CDKN2A: variants seen among roughly 807,000 people sequenced by gnomAD.
CDKN2A encodes cyclin dependent kinase inhibitor 2A.
A neutral mutation model predicts 11.1 loss-of-function variants in CDKN2A; 3 were observed. The ratio of observed to expected loss-of-function variants is 0.27; its 90% CI spans 0.12 to 0.70. The LOEUF is 0.70. Among genes scored for constraint, CDKN2A ranks in the 30% least tolerant of loss-of-function variants. CDKN2A has a pLI of 0.77. For synonymous variants in CDKN2A, 122 were observed against 108.1 expected, an observed-to-expected ratio of 1.13 and a Z score of -0.80; for missense variants, 265 against 233.6, an observed-to-expected ratio of 1.13 and a Z score of -0.88.
intron 2 of CDKN2A, chr9:21,992,051 T>G: frequency 3.1e-6 from 3 of 976,324 alleles, no homozygotes; most frequent in Non-Finnish European, 3.7e-6. Flanking sequence ...TTTCTGTGGT[T>G]AAGAAACTGG....
Position 21,968,729 on chromosome 9 carries a change from G to C in CDKN2A, c.458-487C>G, listed in dbSNP as rs1328833978. 1 of 1,536,132 alleles carries C rather than the reference G, an allele frequency of 6.5e-7. No homozygotes were observed. Among genetic ancestry groups the C allele is most frequent in the African/African-American group, 1.4e-5 (1 of 73,156 alleles). ...CGGCGGAATCCCGTAGCTTCCCTAC[G>C]CATGCCTGCTTCTACAAACCCACAA... On this transcript the variant is annotated intron_variant, in intron 2 of 2. Coordinates refer to ENST00000304494, the MANE Select transcript of CDKN2A (RefSeq NM_000077.5). This position sits in a 1 kb window ranked among gnomAD's most constrained non-coding sequence, Gnocchi z 4.7.
intron 2 of CDKN2A, chr9:21,970,327 C>T (rs1419814266): frequency 8.1e-6 from 2 of 248,182 alleles, no homozygotes; most frequent in Non-Finnish European, 1.6e-5. Flanking sequence ...AGTCTTGGTC[C>T]TGATGTCCCC....
intron 2 of CDKN2A, among the ~76,000 whole-genome samples, chr9:21,980,760 C>A (rs1392713335): frequency 6.6e-6 from 1 of 150,920 alleles, no homozygotes; most frequent in Admixed American, 6.6e-5. Flanking sequence ...GAGATCTAGA[C>A]CATCCTAGGT....
intron 2 of CDKN2A, chr9:21,992,104 TAAA>T (rs1428830120): frequency 2.4e-6 from 2 of 839,956 alleles, no homozygotes; most frequent in Non-Finnish European, 2.9e-6. Context: ...CATATAAAAA[TAAA>T]AAGTCATAAT....
intron 2 of CDKN2A, among the ~76,000 whole-genome samples, chr9:21,992,722 GA>G (rs1398368481): frequency 2.6e-5 from 4 of 151,606 alleles, no homozygotes; most frequent in Non-Finnish European, 5.9e-5. Flanking sequence ...ATTTTATATA[GA>G]ATAATATTAA....
chr9:21,990,661 C>T (rs1369414562), intron 2 of CDKN2A, among the ~76,000 whole-genome samples: 3 of 35,994 alleles, frequency 8.3e-5, no homozygotes, highest in East Asian at 3.2e-3. Flanking sequence ...AAACTGTTTA[C>T]TGTTTGGAAT....
rs1034265990 is a variant in CDKN2A, at chr9:21,971,123, G to T, written c.236C>A (p.Thr79Asn). The T allele has an allele frequency of 1.9e-6, 3 of 1,603,784 alleles. No individual in the cohort carries two copies. Among genetic ancestry groups the T allele is most frequent in the Non-Finnish European group, 2.5e-6 (3 of 1,179,538 alleles). ...CCGGGCAGCGTCGTGCACGGGTCGG[G>T]TGAGAGTGGCGGGGTCGGCGCAGTT... ...EPNCADPATL[T>N]RPVHDAAREG... The change falls in exon 2 of 3, where the codon ACC becomes AAC. Residue 79 changes from threonine to asparagine, a missense_variant. Transcript: ENST00000304494.
In CDKN2A at chr9:21,970,909, A is replaced by G. The variant is rs762612798; in HGVS notation, c.450T>C (p.Gly150=). Residue 150 remains glycine (G), a synonymous_variant, in exon 2 of 3, where the codon GGT becomes GGC. Coordinates refer to ENST00000304494, the MANE Select transcript of CDKN2A (RefSeq NM_000077.5). ...CAGATCATCAGTCCTCACCTGAGGG[A>G]CCTTCCGCGGCATCTATGCGGGCAT... is the stretch of plus-strand genomic sequence containing the variant. The part of the protein sequence containing the change: ...SNHARIDAAE[G]PSDIPD The G allele has an allele frequency of 3.1e-6, 5 of 1,611,936 alleles. No individual in the cohort carries two copies. The highest frequency in any genetic ancestry group is 4.2e-6 in the Non-Finnish European group (5 of 1,179,998).
At chr9:21,985,130 C>T (rs918761277) in intron 2 of CDKN2A, among the ~76,000 whole-genome samples, 6 of 151,948 alleles carry the variant, frequency 3.9e-5, no homozygotes, top group African/African-American at 1.4e-4. Context: ...TCCTTTGAGT[C>T]TCTGGGTTGA....
At chr9:21,994,715 C>T in intron 1 of CDKN2A, 1 of 238,490 alleles carries the variant, frequency 4.2e-6, no homozygotes, top group Non-Finnish European at 8.1e-6. Flanking sequence ...CATCTTCCCA[C>T]CCTCAGCGCG....
Position 21,974,019 on chromosome 9 carries a change from T to C in CDKN2A, c.150+659A>G, listed in dbSNP as rs1213858665. 6.6e-6 allele frequency among the ~76,000 whole-genome samples: 1 copy of C among 152,014 alleles called. No individual in the cohort carries two copies. The highest frequency in any genetic ancestry group is 1.5e-5 in the Non-Finnish European group (1 of 68,016). On this transcript the variant is annotated intron_variant, in intron 1 of 2. Coordinates refer to ENST00000304494, the MANE Select transcript of CDKN2A (RefSeq NM_000077.5). This position sits in a 1 kb window ranked among gnomAD's most constrained non-coding sequence, Gnocchi z 5.2. Reference sequence around the variant, plus strand: ...GATTCTCCTGCCTCAACCTCCCGAGTAGCTGGGATTACAGGCGCCTGCCAC... The same window carrying C: ...GATTCTCCTGCCTCAACCTCCCGAGCAGCTGGGATTACAGGCGCCTGCCAC...
In CDKN2A at chr9:21,968,504, C is replaced by A; in HGVS notation, c.458-262G>T. 1 of 1,451,670 alleles carries A rather than the reference C, an allele frequency of 6.9e-7. No homozygotes were observed. The allele number at this position is 1,451,670 out of a possible 1,614,324, so 89.9% of individuals were successfully genotyped here. ...TCCACCCGGCGGAGGGCAGAGAAAGCGCGACCGCGCGGCCCGCAGGGTTGC... is the reference window on the plus strand; with the variant it reads ...TCCACCCGGCGGAGGGCAGAGAAAGAGCGACCGCGCGGCCCGCAGGGTTGC... On this transcript the variant is annotated intron_variant, in intron 2 of 2. Transcript: ENST00000304494. The surrounding 1 kb of genome is among the most constrained non-coding windows in gnomAD (Gnocchi z 4.7).
intron 2 of CDKN2A, among the ~76,000 whole-genome samples, chr9:21,983,235 A>G (rs901034528): frequency 1.3e-5 from 2 of 152,110 alleles, no homozygotes; most frequent in African/African-American, 4.8e-5. Context: ...TTCCTGATTA[A>G]AGCTCACATA....
chr9:21,980,925 C>G (rs1297291575), intron 2 of CDKN2A, among the ~76,000 whole-genome samples: 1 of 136,362 alleles, frequency 7.3e-6, no homozygotes. Context: ...CGCCACTGCA[C>G]TCCAGCCTGG....
chr9:21,994,359 G>T (rs149253558), intron 1 of CDKN2A: 4 of 1,606,704 alleles, frequency 2.5e-6, no homozygotes, highest in Non-Finnish European at 8.5e-7. Flanking sequence ...GGCCGAGCTC[G>T]GCAGCCGCTG....
chr9:21,991,038 T>C lies in CDKN2A; in HGVS notation c.-4+2844A>G, dbSNP rs562018155. ...GAATCAGAATTCAGATAATTTGTCTTAAAAATTCATATTCAATGTAAAAAT... is the reference window on the plus strand; with the variant it reads ...GAATCAGAATTCAGATAATTTGTCTCAAAAATTCATATTCAATGTAAAAAT... On this transcript the variant is annotated intron_variant, in intron 2 of 3. Coordinates refer to the CDKN2A transcript ENST00000494262. This position sits in a 1 kb window ranked among gnomAD's most constrained non-coding sequence, Gnocchi z 5.2. 3.8e-4 allele frequency among the ~76,000 whole-genome samples: 58 copies of C among 152,348 alleles called. No homozygotes were observed. Among genetic ancestry groups the C allele is most frequent in the Non-Finnish European group, 7.2e-4 (49 of 68,032 alleles).
chr9:21,990,744 G>A (rs1820413943), intron 2 of CDKN2A, among the ~76,000 whole-genome samples: 1 of 151,838 alleles, frequency 6.6e-6, no homozygotes, highest in African/African-American at 2.4e-5. Context: ...GATACCTGAT[G>A]ATCCAGAATG....
chr9:21,988,506 T>C lies in CDKN2A; in HGVS notation c.-4+5376A>G, dbSNP rs1262454144. Among the ~76,000 whole-genome samples, 1 of 152,094 alleles carries C rather than the reference T, an allele frequency of 6.6e-6. No homozygotes were observed. The highest frequency in any genetic ancestry group is 1.5e-5 in the Non-Finnish European group (1 of 68,010). ...ATTAAATGAATGCACTGAGAGACAC[T>C]GACAAGCACTGAGAATTTCTTCAAC... On this transcript the variant is annotated intron_variant, in intron 2 of 3. Transcript: ENST00000494262. The surrounding 1 kb of genome is among the most constrained non-coding windows in gnomAD (Gnocchi z 4.1).
At chr9:21,994,683 T>G in intron 1 of CDKN2A, 18 of 238,656 alleles carry the variant, frequency 7.5e-5, no homozygotes, top group East Asian at 2.8e-4. Flanking sequence ...TCCCGCCCTG[T>G]GTGCGCCCCC....
Sources: allele counts gnomAD v4.1 joint callset (sites outside exome capture counted in the v4.1 genomes callset), GRCh38; gene constraint gnomAD v4.1.1; non-coding constraint Gnocchi (gnomAD v3.1); transcripts MANE v1.5; gene names NCBI Gene and HGNC (gene_info 2026-07-23, HGNC 2026-07-21).